The following WNT8A variants were observed in gnomAD, a reference collection of about 807,000 sequenced individuals.
WNT8A encodes the protein protein Wnt-8a.
A neutral mutation model predicts 20.5 loss-of-function variants in WNT8A; 14 were observed. That is an observed-to-expected ratio of 0.68 (90% CI 0.45 to 1.07). The LOEUF (loss-of-function observed/expected upper bound fraction) is 1.07, where lower values mean the gene tolerates loss of function less well. Among genes scored for constraint, WNT8A ranks in the 50% least tolerant of loss-of-function variants. WNT8A has a pLI of 0.00. For synonymous variants in WNT8A, 167 were observed against 169.2 expected (o/e 0.99, Z 0.10); for missense variants, 397 against 462.9 (o/e 0.86, Z 1.31).
intron 2 of WNT8A, among the ~76,000 whole-genome samples, chr5:138,085,882 G>C (rs1036852216): frequency 1.3e-5 from 2 of 150,944 alleles, no homozygotes; most frequent in African/African-American, 4.9e-5. Context: ...AAAAGATGAG[G>C]TTCAAAAGAA....
At chr5:138,086,449 C>T (rs548815024) in intron 2 of WNT8A, among the ~76,000 whole-genome samples, 1 of 152,038 alleles carries the variant, frequency 6.6e-6, no homozygotes, top group Non-Finnish European at 1.5e-5. Flanking sequence ...AACTCCTGAG[C>T]TCAAGCAATC....
chr5:138,088,724 G>T (rs903908442), intron 3 of WNT8A, among the ~76,000 whole-genome samples: 2 of 152,092 alleles, frequency 1.3e-5, no homozygotes, highest in African/African-American at 4.8e-5. Flanking sequence ...GGGTATAGAA[G>T]ACTAATTGCT....
chr5:138,080,964 G>A (rs768111202), upstream of WNT8A, among the ~76,000 whole-genome samples: 4 of 152,038 alleles, frequency 2.6e-5, no homozygotes, highest in Non-Finnish European at 4.4e-5. Context: ...TGATCTTGCC[G>A]GGCGCAGTGG....
intron 2 of WNT8A, among the ~76,000 whole-genome samples, chr5:138,086,879 CAAAAAA>C: frequency 8.3e-6 from 1 of 120,516 alleles, no homozygotes; most frequent in South Asian, 2.8e-4. Context: ...TACTAAAGAC[CAAAAAA>C]AAAAAAAAAA....
chr5:138,089,176 A>C, intron 4 of WNT8A, 107 bp downstream of exon 4: 2 of 1,463,970 alleles, frequency 1.4e-6, no homozygotes, highest in Non-Finnish European at 1.8e-6. Flanking sequence ...CTACCCAGCC[A>C]GATTGAGATG....
downstream of WNT8A, chr5:138,091,581 G>T: frequency 8.8e-7 from 1 of 1,131,692 alleles, no homozygotes; most frequent in Admixed American, 2.8e-5. Flanking sequence ...GTTTTAGAGT[G>T]TTGGATTTTT....
intron 2 of WNT8A, 96 bp from the exon 3 acceptor site, chr5:138,087,710 G>A: frequency 7.9e-7 from 1 of 1,262,856 alleles, no homozygotes; most frequent in Non-Finnish European, 1.1e-6. Context: ...AAAGGAAGTG[G>A]GGGATAAGGG....
rs1411836905 is a variant in WNT8A, at chr5:138,084,256, GAAC to G, written c.132_134del (p.Asn45del). On this transcript the variant is annotated inframe_deletion, in exon 1 of 5. Coordinates refer to ENST00000506684, the MANE Select transcript of WNT8A (RefSeq NM_001300939.2). ...CTTTTTCTCTTTTTGGTAGGTCAGT[GAAC>G]AATTTCCTGATAACAGGTCCCAAGG... is the stretch of plus-strand genomic sequence containing the variant. The G allele has an allele frequency of 6.2e-7, 1 of 1,614,126 alleles. No individual in the cohort carries two copies. Among genetic ancestry groups the G allele is most frequent in the Non-Finnish European group, 8.5e-7 (1 of 1,180,030 alleles).
At position 138,091,010 on chromosome 5, in the gene WNT8A, G is replaced by A. The variant is rs1258336434; in HGVS notation, c.1047G>A (p.Val349=). The A allele has an allele frequency of 1.2e-6, 2 of 1,614,022 alleles. No homozygotes were observed. Among genetic ancestry groups the A allele is most frequent in the African/African-American group, 2.7e-5 (2 of 74,936 alleles). Residue 349 remains valine (V), a synonymous_variant, in exon 5 of 5, where the codon GTG becomes GTA. Transcript: ENST00000506684. The stretch of plus-strand genomic sequence containing the variant: ...AGTGTGACCAGTGTAGGCATGTGGT[G>A]AGCAAGTATTACTGCGCACGCTCCC... ...TVKCDQCRHV[V]SKYYCARSPG... is the part of the protein sequence containing the mutation.
chr5:138,091,510 C>T lies in WNT8A; in HGVS notation c.*437C>T. 7.5e-7 allele frequency: 1 copy of T among 1,330,572 alleles called. No homozygotes were observed. The highest frequency in any genetic ancestry group is 1.2e-5 in the South Asian group (1 of 86,270). 82.4% of individuals were successfully genotyped at this position (1,330,572 alleles called of 1,614,324 possible). ...TTCTGTTCAGACTTCTGAAGAGCAG[C>T]CTGTGGCTACAAATCTATGCTGATA... On this transcript the variant is annotated 3_prime_UTR_variant, in exon 5 of 5. Coordinates refer to ENST00000506684, the MANE Select transcript of WNT8A (RefSeq NM_001300939.2).
downstream of WNT8A, chr5:138,092,208 A>G (rs1750877425): frequency 6.6e-6 from 1 of 152,234 alleles, no homozygotes; most frequent in Non-Finnish European, 1.5e-5. Flanking sequence ...CTTCTTCTGT[A>G]TCCCAATAAT....
chr5:138,077,692 C>T, the WNT8A span, among the ~76,000 whole-genome samples: 400 of 152,258 alleles, frequency 2.6e-3, 4 homozygotes, highest in Non-Finnish European at 2.9e-3. Context: ...GCGGTTTTAG[C>T]CAACTGAAAC....
chr5:138,080,444 G>GTTTTTTTGTTTT (rs750585385), upstream of WNT8A, among the ~76,000 whole-genome samples: 16 of 55,986 alleles, frequency 2.9e-4, no homozygotes, highest in Non-Finnish European at 3.6e-4. Context: ...TGTAAATCTT[G>GTTTTTTTGTTTT]TTTTTTTTTT....
rs761130675 is a variant in WNT8A at position 138,091,449 on chromosome 5, T to C, written c.*376T>C. ...ACCATGTCCAACCCAGCTGTGCTGC[T>C]GGGAATCAGGAGAATAGAAGCAAAA... is the stretch of plus-strand genomic sequence containing the variant. On this transcript the variant is annotated 3_prime_UTR_variant, in exon 5 of 5. Transcript: ENST00000506684. 1 of 1,357,210 alleles carries C rather than the reference T, an allele frequency of 7.4e-7. No homozygotes were observed. The highest frequency in any genetic ancestry group is 1.5e-5 in the African/African-American group (1 of 67,982). 84.1% of individuals were successfully genotyped at this position (1,357,210 alleles called of 1,614,324 possible). A position where few individuals can be genotyped will look rare whatever the true frequency, so the allele number is the denominator to read the frequency against.
At position 138,084,245 on chromosome 5, in the gene WNT8A, G is replaced by C; in HGVS notation, c.118G>C (p.Gly40Arg). 2 of 1,614,066 alleles carry C rather than the reference G, an allele frequency of 1.2e-6. No individual in the cohort carries two copies. Among genetic ancestry groups the C allele is most frequent in the Non-Finnish European group, 1.7e-6 (2 of 1,180,012 alleles). ...IHLCLTFSLF[G>R]RSVNNFLITG... is the part of the protein sequence containing the mutation. ...CCTCTGCCTCACTTTTTCTCTTTTT[G>C]GTAGGTCAGTGAACAATTTCCTGAT... The change falls in exon 1 of 5, where the codon GGT becomes CGT. Residue 40 changes from glycine to arginine, a missense_variant. Physicochemically the swap from Gly to Arg is moderately radical, Grantham distance 125 (BLOSUM62 -2). Coordinates refer to ENST00000506684, the MANE Select transcript of WNT8A (RefSeq NM_001300939.2).
intron 2 of WNT8A, among the ~76,000 whole-genome samples, chr5:138,084,867 T>C (rs1750609482): frequency 6.6e-6 from 1 of 152,228 alleles, no homozygotes; most frequent in Non-Finnish European, 1.5e-5. Flanking sequence ...TCATCAGAAG[T>C]ATCCTATGGG....
chr5:138,084,742 G>C, intron 2 of WNT8A, 106 bp downstream of exon 2: 1 of 1,361,288 alleles, frequency 7.3e-7, no homozygotes. Context: ...AAATAAAAAT[G>C]CTGCCAGTGA....
chr5:138,091,475 A>C lies in WNT8A; in HGVS notation c.*402A>C. 7.4e-7 allele frequency: 1 copy of C among 1,352,888 alleles called. No homozygotes were observed. Among genetic ancestry groups the C allele is most frequent in the Non-Finnish European group, 9.8e-7 (1 of 1,022,682 alleles). 83.8% of individuals were successfully genotyped at this position (1,352,888 alleles called of 1,614,324 possible). On this transcript the variant is annotated 3_prime_UTR_variant, in exon 5 of 5. Coordinates refer to ENST00000506684, the MANE Select transcript of WNT8A (RefSeq NM_001300939.2). ...GGGAATCAGGAGAATAGAAGCAAAA[A>C]ACGAAAGAGTTCTGTTCAGACTTCT... is the stretch of plus-strand genomic sequence containing the variant.
At chr5:138,088,416 G>C (rs1027543992) in intron 3 of WNT8A, among the ~76,000 whole-genome samples, 1 of 150,890 alleles carries the variant, frequency 6.6e-6, no homozygotes, top group Non-Finnish European at 1.5e-5. Context: ...GAGTGCAGTG[G>C]CGCGATCTCA....
Sources: allele counts gnomAD v4.1 joint callset (sites outside exome capture counted in the v4.1 genomes callset), GRCh38; gene constraint gnomAD v4.1.1; transcripts MANE v1.5; gene names NCBI Gene and HGNC (gene_info 2026-07-23, HGNC 2026-07-21).